Variants in PIAS4 observed in about 807,000 individuals in gnomAD.
PIAS4 encodes the protein E3 SUMO-protein ligase PIAS4.
PIAS4 carries 7 observed loss-of-function variants against 58.0 expected under a neutral mutation model. The ratio of observed to expected loss-of-function variants is 0.12; its 90% CI spans 0.07 to 0.23. The LOEUF (loss-of-function observed/expected upper bound fraction) is 0.23. PIAS4 is among the 10% of genes least tolerant of loss of function. The probability of loss-of-function intolerance (pLI) is 1.00; values close to 1 mark genes in which losing one functional copy is unlikely to be tolerated. For synonymous variants in PIAS4, 364 were observed against 312.4 expected (o/e 1.17, Z -1.74); for missense variants, 550 against 709.5 (o/e 0.78, Z 2.55).
rs771023962 is a variant in PIAS4 at position 4,037,434 on chromosome 19, C to T, written c.1203C>T (p.Asp401=). The T allele has an allele frequency of 3.7e-5, 60 of 1,611,616 alleles. No homozygotes were observed. Among genetic ancestry groups the T allele is most frequent in the Middle Eastern group, 1.6e-4 (1 of 6,070 alleles). ...EDADEIEYLV[D]GSWCPIRAEK... ...CCGACGAGATCGAGTACCTGGTGGA[C>T]GGCTCGTGGTGCCCGATCCGCGCCG... Residue 401 remains aspartate, a synonymous_variant, in exon 10 of 11, where the codon GAC becomes GAT. Coordinates refer to ENST00000262971, the MANE Select transcript of PIAS4 (RefSeq NM_015897.4). The surrounding 1 kb of genome is among the most constrained non-coding windows in gnomAD (Gnocchi z 5.8).
chr19:4,023,273 G>A (rs2040128988), intron 2 of PIAS4, among the ~76,000 whole-genome samples: 1 of 151,750 alleles, frequency 6.6e-6, no homozygotes, highest in South Asian at 2.1e-4. Flanking sequence ...GAGGTCACGA[G>A]TTCGAAACCA....
At chr19:4,009,564 G>GCCCCCCC (rs113892857) in intron 1 of PIAS4, among the ~76,000 whole-genome samples, 1 of 150,562 alleles carries the variant, frequency 6.6e-6, no homozygotes, top group African/African-American at 2.4e-5. Flanking sequence ...TGGTGGCTGG[G>GCCCCCCC]CCCCCCCCCA....
chr19:4,010,321 G>T (rs2144902489), intron 1 of PIAS4, among the ~76,000 whole-genome samples: 1 of 152,346 alleles, frequency 6.6e-6, no homozygotes, highest in South Asian at 2.1e-4. Context: ...CCACTGTCCA[G>T]CCTGGGTGGG....
intron 2 of PIAS4, chr19:4,017,632 G>A (rs1043014702): frequency 2.5e-4 from 38 of 152,428 alleles, no homozygotes; most frequent in Non-Finnish European, 4.2e-4. Context: ...CCTGGGGAGG[G>A]GGCCAGCACA....
chr19:4,020,611 T>A (rs114755295), intron 2 of PIAS4, among the ~76,000 whole-genome samples: 16 of 152,256 alleles, frequency 1.1e-4, no homozygotes, highest in African/African-American at 3.8e-4. Context: ...CTGCTCAGCG[T>A]TTTTGCTTTG....
chr19:4,033,091 T>TC lies in PIAS4; in HGVS notation c.908-5dup. ...CCTCCTGACGGTGTCTTCCGTTCCC[T>TC]CCCCACAGTCAAGGAGAAGCTGCGC... is the stretch of plus-strand genomic sequence containing the variant. On this transcript the variant is annotated splice_polypyrimidine_tract_variant and intron_variant, in intron 7 of 10. Coordinates refer to ENST00000262971, the MANE Select transcript of PIAS4 (RefSeq NM_015897.4). 1 of 1,610,298 alleles carries TC rather than the reference T, an allele frequency of 6.2e-7. No individual in the cohort carries two copies. The highest frequency in any genetic ancestry group is 8.5e-7 in the Non-Finnish European group (1 of 1,178,640).
At chr19:4,007,849 AGGTC>A in intron 1 of PIAS4, 62 bp downstream of exon 1, 1 of 1,162,004 alleles carries the variant, frequency 8.6e-7, no homozygotes. Context: ...GCCGGGCCGC[AGGTC>A]GAGGTCTGCG....
In PIAS4 at chr19:4,028,372, G is replaced by T. The variant is rs557785309; in HGVS notation, c.582-138G>T. ...TCCGACCCCCACTCAGGCCACACCC[G>T]GGGGCCCTGATACCCCCCGTGTCAC... On this transcript the variant is annotated intron_variant, in intron 4 of 10. Transcript: ENST00000262971. 25 of 794,626 alleles carry T rather than the reference G, an allele frequency of 3.1e-5. 1 individual carries two copies. In the South Asian group the frequency reaches 4.1e-4, roughly 13 times the overall value. The allele number at this position is 794,626 out of a possible 1,614,324, so 49.2% of individuals were successfully genotyped here. A position where few individuals can be genotyped will look rare whatever the true frequency, so the allele number is the denominator to read the frequency against.
At position 4,024,045 on chromosome 19, in the gene PIAS4, A is replaced by G; in HGVS notation, c.464A>G (p.Asn155Ser). 5 of 1,613,552 alleles carry G rather than the reference A, an allele frequency of 3.1e-6. No homozygotes were observed. Among genetic ancestry groups the G allele is most frequent in the Non-Finnish European group, 4.2e-6 (5 of 1,179,466 alleles). ...CCGTGTTTGTCTTCAGTCCCACAGA[A>G]CAACGAGAAGCTTCAGGAGAGCCCG... ...LLKPTELVPQNNEKLQESPCI... is the reference protein window; with the variant it reads ...LLKPTELVPQSNEKLQESPCI... The change falls in exon 3 of 11, where the codon AAC (asparagine) becomes AGC (serine). Residue 155 changes from asparagine (N) to serine (S), a missense_variant. Transcript: ENST00000262971.
chr19:4,014,122 G>T (rs1167581699), intron 2 of PIAS4, among the ~76,000 whole-genome samples: 1 of 152,226 alleles, frequency 6.6e-6, no homozygotes, highest in African/African-American at 2.4e-5. Context: ...GTGGGCTCAG[G>T]TCACTGCCAG....
chr19:4,020,219 C>T (rs778779366), intron 2 of PIAS4, among the ~76,000 whole-genome samples: 1 of 152,100 alleles, frequency 6.6e-6, no homozygotes, highest in Non-Finnish European at 1.5e-5. Flanking sequence ...CCCGGCTTCT[C>T]GTGGGTTTTA....
At position 4,027,098 on chromosome 19, in the gene PIAS4, C is replaced by T. The variant is rs987632308; in HGVS notation, c.540-1048C>T. Reference sequence around the variant, plus strand: ...CGATCTCCTGACCTTGTTATCCGCCCGCCTCGGCCTCCCAAAGTGCTGGGA... The same window carrying T: ...CGATCTCCTGACCTTGTTATCCGCCTGCCTCGGCCTCCCAAAGTGCTGGGA... On this transcript the variant is annotated intron_variant, in intron 3 of 10. Coordinates refer to ENST00000262971, the MANE Select transcript of PIAS4 (RefSeq NM_015897.4). Among the ~76,000 whole-genome samples the T allele has an allele frequency of 2.8e-4, 43 of 152,204 alleles. 1 individual carries two copies. In the South Asian group the frequency reaches 5.0e-3, roughly 18 times the overall value.
chr19:4,030,136 A>G (rs1196069938), intron 7 of PIAS4, among the ~76,000 whole-genome samples: 4 of 140,618 alleles, frequency 2.8e-5, no homozygotes, highest in South Asian at 4.5e-4. Context: ...CTAATTTTTT[A>G]ATGTTTCGTA....
At chr19:4,011,811 G>T (rs899391716) in intron 1 of PIAS4, among the ~76,000 whole-genome samples, 7 of 21,436 alleles carry the variant, frequency 3.3e-4, no homozygotes, top group Non-Finnish European at 3.2e-4. Flanking sequence ...GAGGTGTGTG[G>T]GGTGTGGAGG....
chr19:4,027,649 T>A (rs1019176695), intron 3 of PIAS4, among the ~76,000 whole-genome samples: 11 of 144,788 alleles, frequency 7.6e-5, no homozygotes, highest in Non-Finnish European at 7.5e-5. Flanking sequence ...AGCCTGTGCC[T>A]CCATGGGTTC....
chr19:4,036,651 TAC>T (rs1228474295), intron 9 of PIAS4, among the ~76,000 whole-genome samples: 3 of 95,228 alleles, frequency 3.2e-5, no homozygotes, highest in African/African-American at 1.0e-4. Context: ...CACACTGTCA[TAC>T]ACACACATCT....
In PIAS4 at chr19:4,029,474, A is replaced by C. The variant is rs528166505; in HGVS notation, c.907+438A>C. Among the ~76,000 whole-genome samples, 8 of 151,968 alleles carry C rather than the reference A, an allele frequency of 5.3e-5. No individual in the cohort carries two copies. The East Asian group carries it at 1.4e-3, about 26-fold the overall frequency. Reference sequence around the variant, plus strand: ...CACGGACGGCCAGGGTCGTGGAGGCAGTTGCTGTGGGAGGAAGACGGGCGG... The same window carrying C: ...CACGGACGGCCAGGGTCGTGGAGGCCGTTGCTGTGGGAGGAAGACGGGCGG... On this transcript the variant is annotated intron_variant, in intron 7 of 10. Transcript: ENST00000262971.
intron 7 of PIAS4, 141 bp downstream of exon 7, chr19:4,029,177 G>A (rs964168293): frequency 1.1e-5 from 7 of 645,296 alleles, no homozygotes; most frequent in African/African-American, 5.4e-5. Context: ...ATGGCCCCCC[G>A]GCTGTGGCTG....
chr19:4,026,073 C>CAAAAAA (rs34554020), intron 3 of PIAS4, among the ~76,000 whole-genome samples: 20 of 76,784 alleles, frequency 2.6e-4, no homozygotes, highest in African/African-American at 1.1e-3. Flanking sequence ...GACTCCGTCT[C>CAAAAAA]AAAAAAAAAA....
Sources: gnomAD v4.1 joint callset for allele counts (sites outside exome capture counted in the v4.1 genomes callset) on GRCh38, gnomAD v4.1.1 for gene constraint, Gnocchi (gnomAD v3.1) non-coding constraint, MANE v1.5 for transcripts, NCBI Gene and HGNC (gene_info 2026-07-23, HGNC 2026-07-21) for gene names.